Variants in RPS6KC1 observed in about 807,000 individuals in gnomAD.
RPS6KC1 encodes inactive ribosomal protein S6 kinase delta-1.
In RPS6KC1, 54 loss-of-function variants were observed where a neutral mutation model predicts 103.8. The ratio of observed to expected loss-of-function variants is 0.52; its 90% confidence interval spans 0.42 to 0.65. The LOEUF is 0.65. Among genes scored for constraint, RPS6KC1 ranks in the 30% least tolerant of loss-of-function variants. The pLI, the probability that RPS6KC1 is intolerant of heterozygous loss-of-function variation, is 0.00. For missense variants in RPS6KC1, 1,151 were observed against 1,253.8 expected, an observed-to-expected ratio of 0.92 and a Z score of 1.24; for synonymous variants, 439 against 438.7, an observed-to-expected ratio of 1.00 and a Z score of -0.01.
chr1:213,063,059 G>A (rs2077991920), intron 1 of RPS6KC1, among the ~76,000 whole-genome samples: 1 of 152,122 alleles, frequency 6.6e-6, no homozygotes, highest in African/African-American at 2.4e-5. Flanking sequence ...TCTTTTCTTT[G>A]TTTTTACTTT....
the RPS6KC1 span, among the ~76,000 whole-genome samples, chr1:213,683,694 C>A: frequency 6.6e-6 from 1 of 152,206 alleles, no homozygotes; most frequent in Non-Finnish European, 1.5e-5. Context: ...ACTTCCTAAT[C>A]CTCCTCATCC....
the RPS6KC1 span, among the ~76,000 whole-genome samples, chr1:213,779,257 T>C: frequency 2.6e-5 from 4 of 152,124 alleles, no homozygotes; most frequent in African/African-American, 9.7e-5. Context: ...GCATAGCAAC[T>C]GAACACCTGG....
chr1:213,519,291 C>T, the RPS6KC1 span, among the ~76,000 whole-genome samples: 2 of 152,088 alleles, frequency 1.3e-5, no homozygotes, highest in Middle Eastern at 3.4e-3. Flanking sequence ...AGATAAGAAC[C>T]TGTTGGTAAG....
chr1:213,352,110 G>C, the RPS6KC1 span, among the ~76,000 whole-genome samples: 4 of 152,086 alleles, frequency 2.6e-5, no homozygotes, highest in African/African-American at 9.7e-5. Flanking sequence ...AATTGTTTCA[G>C]TATTCAGTAT....
the RPS6KC1 span, among the ~76,000 whole-genome samples, chr1:213,281,214 A>G: frequency 6.6e-6 from 1 of 152,230 alleles, no homozygotes; most frequent in South Asian, 2.1e-4. Flanking sequence ...GCTTTTCACC[A>G]CATAGTCTGT....
the RPS6KC1 span, among the ~76,000 whole-genome samples, chr1:213,749,134 A>T: frequency 6.6e-6 from 1 of 152,194 alleles, no homozygotes; most frequent in African/African-American, 2.4e-5. Flanking sequence ...TTCATAAGCC[A>T]GGAGAAAGTC....
At chr1:213,251,163 G>A (rs2094539663) in intron 12 of RPS6KC1, among the ~76,000 whole-genome samples, 1 of 140,084 alleles carries the variant, frequency 7.1e-6, no homozygotes, top group African/African-American at 2.7e-5. Context: ...CTGGAGTGCA[G>A]TGGTGTGATC....
At chr1:213,477,596 C>A in the RPS6KC1 span, among the ~76,000 whole-genome samples, 1 of 151,834 alleles carries the variant, frequency 6.6e-6, no homozygotes, top group African/African-American at 2.4e-5. Flanking sequence ...ATATGTTTTT[C>A]TTTAAAACAT....
At chr1:213,239,110 A>G (rs1170684386) in intron 10 of RPS6KC1, among the ~76,000 whole-genome samples, 1 of 152,226 alleles carries the variant, frequency 6.6e-6, no homozygotes, top group Non-Finnish European at 1.5e-5. Context: ...TAGCTAAGAA[A>G]AAAATGAGAG....
intron 1 of RPS6KC1, among the ~76,000 whole-genome samples, chr1:213,067,447 G>A (rs1012486153): frequency 6.6e-6 from 1 of 152,176 alleles, no homozygotes; most frequent in Non-Finnish European, 1.5e-5. Context: ...CATTGGGTCA[G>A]TTTCACTTTT....
chr1:213,734,949 G>A, the RPS6KC1 span, among the ~76,000 whole-genome samples: 1 of 152,060 alleles, frequency 6.6e-6, no homozygotes, highest in Admixed American at 6.5e-5. Context: ...TTTTTGAGAC[G>A]GAGCCGCTCT....
At chr1:213,056,449 A>T (rs1448077429) in intron 1 of RPS6KC1, among the ~76,000 whole-genome samples, 3 of 152,230 alleles carry the variant, frequency 2.0e-5, no homozygotes, top group Non-Finnish European at 4.4e-5. Flanking sequence ...GAGTGTGCAT[A>T]TGGGGACACC....
the RPS6KC1 span, among the ~76,000 whole-genome samples, chr1:213,386,396 G>A: frequency 6.6e-6 from 1 of 152,176 alleles, no homozygotes; most frequent in African/African-American, 2.4e-5. Flanking sequence ...TTCCTCATCT[G>A]TGCAAAGTGG....
In RPS6KC1 at chr1:213,193,742, C is replaced by T. The variant is rs1469444146; in HGVS notation, c.1044+17250C>T. Among the ~76,000 whole-genome samples, 4 of 152,138 alleles carry T rather than the reference C, an allele frequency of 2.6e-5. No individual in the cohort carries two copies. The East Asian group carries it at 7.7e-4, about 29-fold the overall frequency. ...CCTCCACGCTTAAACGATCCTCCCACCTCAGCCTCCTGAGTAGCTGGGACT... is the reference window on the plus strand; with the variant it reads ...CCTCCACGCTTAAACGATCCTCCCATCTCAGCCTCCTGAGTAGCTGGGACT... On this transcript the variant is annotated intron_variant, in intron 8 of 14. Coordinates refer to ENST00000366960, the MANE Select transcript of RPS6KC1 (RefSeq NM_012424.6).
At chr1:213,746,895 G>C in the RPS6KC1 span, among the ~76,000 whole-genome samples, 1 of 152,200 alleles carries the variant, frequency 6.6e-6, no homozygotes, top group Non-Finnish European at 1.5e-5. Context: ...AAGATCTTGA[G>C]TTGAGTCTTA....
the RPS6KC1 span, among the ~76,000 whole-genome samples, chr1:213,376,929 T>A: frequency 6.6e-6 from 1 of 152,162 alleles, no homozygotes; most frequent in East Asian, 1.9e-4. Flanking sequence ...GTGGAGGGCT[T>A]GTGGTCGGGG....
At chr1:213,237,003 C>G (rs2094236041) in intron 10 of RPS6KC1, among the ~76,000 whole-genome samples, 2 of 152,192 alleles carry the variant, frequency 1.3e-5, no homozygotes, top group South Asian at 2.1e-4. Context: ...AATAGGTACT[C>G]TTTTAACAGT....
At chr1:213,594,375 G>A in the RPS6KC1 span, among the ~76,000 whole-genome samples, 4 of 152,152 alleles carry the variant, frequency 2.6e-5, no homozygotes, top group Admixed American at 6.5e-5. Context: ...AAATGATAAT[G>A]TTTTGGATAG....
intron 4 of RPS6KC1, among the ~76,000 whole-genome samples, chr1:213,113,279 AT>A (rs2148853003): frequency 6.6e-6 from 1 of 151,890 alleles, no homozygotes; most frequent in East Asian, 1.9e-4. Context: ...ATGATATCTC[AT>A]TGTGGTTTTG....
Sources: allele counts gnomAD v4.1 joint callset (sites outside exome capture counted in the v4.1 genomes callset), GRCh38; gene constraint gnomAD v4.1.1; transcripts MANE v1.5; gene names NCBI Gene and HGNC (gene_info 2026-07-23, HGNC 2026-07-21).